DLG2: variants seen among roughly 807,000 people sequenced by gnomAD.
DLG2 encodes the protein disks large homolog 2.
A neutral mutation model predicts 132.5 loss-of-function variants in DLG2; 45 were observed. The ratio of observed to expected loss-of-function variants is 0.34; its 90% CI spans 0.27 to 0.44. The LOEUF is 0.44. Among genes scored for constraint, DLG2 ranks in the 20% least tolerant of loss-of-function variants. The probability of loss-of-function intolerance (pLI) is 1.00; values close to 1 mark genes in which losing one functional copy is unlikely to be tolerated. For synonymous variants in DLG2, 424 were observed against 419.6 expected (o/e 1.01, Z -0.13); for missense variants, 1,045 against 1,196.9 (o/e 0.87, Z 1.87).
chr11:83,460,808 T>C (rs1299889805), intron 27 of DLG2, among the ~76,000 whole-genome samples: 1 of 152,204 alleles, frequency 6.6e-6, no homozygotes, highest in East Asian at 1.9e-4. Flanking sequence ...ACACTTTTGT[T>C]TCTCCTACCT....
At chr11:84,627,395 G>A (rs1252187382) in intron 6 of DLG2, among the ~76,000 whole-genome samples, 1 of 152,104 alleles carries the variant, frequency 6.6e-6, no homozygotes, top group Non-Finnish European at 1.5e-5. Flanking sequence ...TTCCATTTCT[G>A]AACTCTTACA....
intron 6 of DLG2, among the ~76,000 whole-genome samples, chr11:84,766,986 A>G (rs2068512831): frequency 6.6e-6 from 1 of 152,094 alleles, no homozygotes; most frequent in Non-Finnish European, 1.5e-5. Context: ...TTTGGAATTT[A>G]CACACCCGGA....
chr11:85,617,485 T>G (rs1379707195), intron 2 of DLG2, among the ~76,000 whole-genome samples: 2 of 152,220 alleles, frequency 1.3e-5, no homozygotes, highest in Admixed American at 1.3e-4. Flanking sequence ...TCTGTCTTCC[T>G]AATATATTTT....
intron 4 of DLG2, among the ~76,000 whole-genome samples, chr11:85,229,414 G>C (rs1036727368): frequency 1.9e-4 from 29 of 152,052 alleles, no homozygotes; most frequent in Non-Finnish European, 3.4e-4. Flanking sequence ...GGTCATTAGA[G>C]AAATGCAAAT....
At chr11:84,517,516 A>G (rs1166634908) in intron 7 of DLG2, among the ~76,000 whole-genome samples, 2 of 152,022 alleles carry the variant, frequency 1.3e-5, no homozygotes, top group Non-Finnish European at 2.9e-5. Flanking sequence ...AAGGATGTGG[A>G]AAAAAGGGAG....
At chr11:84,544,433 C>G (rs1173327944) in intron 6 of DLG2, among the ~76,000 whole-genome samples, 3 of 152,152 alleles carry the variant, frequency 2.0e-5, no homozygotes, top group Admixed American at 6.5e-5. Context: ...ATAGATTAAA[C>G]AGGTATCATC....
At chr11:83,810,977 C>G (rs2047111367) in intron 17 of DLG2, among the ~76,000 whole-genome samples, 1 of 152,028 alleles carries the variant, frequency 6.6e-6, no homozygotes, top group African/African-American at 2.4e-5. Flanking sequence ...AACTCCAAGT[C>G]CTGACGCTAA....
intron 6 of DLG2, among the ~76,000 whole-genome samples, chr11:84,991,325 A>T (rs1369848417): frequency 1.3e-5 from 2 of 151,924 alleles, no homozygotes; most frequent in African/African-American, 4.8e-5. Flanking sequence ...CCTGGGCAAA[A>T]TTGCAAAACC....
At chr11:85,522,970 T>C (rs1201629091) in intron 3 of DLG2, among the ~76,000 whole-genome samples, 2 of 152,296 alleles carry the variant, frequency 1.3e-5, no homozygotes, top group South Asian at 2.1e-4. Context: ...AGATTGTGTT[T>C]TGAAGTGTGA....
At chr11:83,546,920 T>C (rs1250544907) in intron 19 of DLG2, among the ~76,000 whole-genome samples, 1 of 152,148 alleles carries the variant, frequency 6.6e-6, no homozygotes, top group Admixed American at 6.6e-5. Context: ...TTAAACAACA[T>C]GTTCAATGTC....
chr11:84,845,030 A>G (rs1408868595), intron 6 of DLG2, among the ~76,000 whole-genome samples: 1 of 152,130 alleles, frequency 6.6e-6, no homozygotes, highest in Non-Finnish European at 1.5e-5. Flanking sequence ...TATTATTCCA[A>G]TCATAGAGTT....
intron 2 of DLG2, among the ~76,000 whole-genome samples, chr11:85,612,693 A>G (rs1390742885): frequency 6.6e-6 from 1 of 152,244 alleles, no homozygotes; most frequent in Non-Finnish European, 1.5e-5. Context: ...TATGAAAATC[A>G]GACCTTATCA....
chr11:83,874,137 G>A (rs2064052794), intron 16 of DLG2, among the ~76,000 whole-genome samples: 1 of 145,500 alleles, frequency 6.9e-6, no homozygotes, highest in South Asian at 2.3e-4. Context: ...AGAAGAGTGG[G>A]GAGGTAGGGA....
chr11:85,209,826 C>A (rs560517665), intron 4 of DLG2, among the ~76,000 whole-genome samples: 37 of 152,122 alleles, frequency 2.4e-4, no homozygotes, highest in Admixed American at 5.2e-4. Flanking sequence ...CTGATTTCAT[C>A]TCCTATTTCC....
chr11:85,236,592 G>T lies in DLG2; in HGVS notation c.186+48628C>A, dbSNP rs111247216. On this transcript the variant is annotated intron_variant, in intron 4 of 27. Transcript: ENST00000376104. Reference sequence around the variant, plus strand: ...TACGGTCATATTCTGAGGTAATGGGGATTAGGGCTTCAACATACGAATTTC... The same window carrying T: ...TACGGTCATATTCTGAGGTAATGGGTATTAGGGCTTCAACATACGAATTTC... Among the ~76,000 whole-genome samples the T allele has an allele frequency of 2.9e-3, 445 of 152,104 alleles. 3 individuals carry two copies. Among genetic ancestry groups the T allele is most frequent in the African/African-American group, 0.01 (428 of 41,536 alleles).
At chr11:84,176,431 T>C (rs1215628048) in intron 8 of DLG2, among the ~76,000 whole-genome samples, 1 of 150,898 alleles carries the variant, frequency 6.6e-6, no homozygotes, top group Non-Finnish European at 1.5e-5. Flanking sequence ...TATATATACA[T>C]ATATTCACAT....
At chr11:85,195,312 G>A (rs2080946604) in intron 4 of DLG2, among the ~76,000 whole-genome samples, 1 of 152,104 alleles carries the variant, frequency 6.6e-6, no homozygotes, top group Non-Finnish European at 1.5e-5. Flanking sequence ...TTTTTCAACA[G>A]AAGGCAGCAT....
At chr11:84,238,149 C>A (rs1394663365) in intron 8 of DLG2, among the ~76,000 whole-genome samples, 1 of 151,334 alleles carries the variant, frequency 6.6e-6, no homozygotes, top group Non-Finnish European at 1.5e-5. Context: ...TCTGATTTCA[C>A]AGAGAAAAAT....
chr11:84,475,679 G>C (rs2099119723), intron 7 of DLG2, among the ~76,000 whole-genome samples: 1 of 152,048 alleles, frequency 6.6e-6, no homozygotes, highest in Admixed American at 6.6e-5. Context: ...CCTGTTTAGA[G>C]AGCATCACTG....
Sources: gnomAD v4.1 joint callset for allele counts (sites outside exome capture counted in the v4.1 genomes callset) on GRCh38, gnomAD v4.1.1 for gene constraint, MANE v1.5 for transcripts, NCBI Gene and HGNC (gene_info 2026-07-23, HGNC 2026-07-21) for gene names.